Variants in INPP4B observed in about 807,000 individuals in gnomAD.
The protein encoded by INPP4B is inositol polyphosphate 4-phosphatase type II.
In INPP4B, 55 loss-of-function variants were observed where a neutral mutation model predicts 122.5. That is an observed-to-expected ratio of 0.45 (90% CI 0.36 to 0.56). The LOEUF (loss-of-function observed/expected upper bound fraction) is 0.56. Among genes scored for constraint, INPP4B ranks in the 20% least tolerant of loss-of-function variants. The pLI is 0.00. For synonymous variants in INPP4B, 403 were observed against 388.7 expected, an observed-to-expected ratio of 1.04 and a Z score of -0.43; for missense variants, 1,000 against 1,097.7, an observed-to-expected ratio of 0.91 and a Z score of 1.26.
At chr4:142,845,728 C>CTGG (rs549460635) in intron 1 of INPP4B, among the ~76,000 whole-genome samples, 1 of 151,330 alleles carries the variant, frequency 6.6e-6, no homozygotes, top group African/African-American at 2.4e-5. Context: ...TCTTCCCAGG[C>CTGG]CGGCGGCGGC....
chr4:142,082,339 G>A (rs1332686873), intron 24 of INPP4B, among the ~76,000 whole-genome samples, 154 bp from the exon 25 acceptor site: 1 of 152,136 alleles, frequency 6.6e-6, no homozygotes, highest in Admixed American at 6.6e-5. Context: ...CTCATCAAAT[G>A]TAAAAGCATT....
chr4:142,410,301 G>A (rs1804330603), intron 5 of INPP4B, among the ~76,000 whole-genome samples: 1 of 152,220 alleles, frequency 6.6e-6, no homozygotes, highest in Non-Finnish European at 1.5e-5. Flanking sequence ...GTGAACCACT[G>A]AGGCACTGTG....
At chr4:142,778,048 TGAGGCCA>T (rs1774208480) in intron 1 of INPP4B, among the ~76,000 whole-genome samples, 1 of 152,172 alleles carries the variant, frequency 6.6e-6, no homozygotes, top group Admixed American at 6.5e-5. Context: ...CTCAAAATCA[TGAGGCCA>T]GATTTTACTA....
chr4:142,812,451 T>C (rs1483759730), intron 1 of INPP4B, among the ~76,000 whole-genome samples: 1 of 152,188 alleles, frequency 6.6e-6, no homozygotes, highest in Admixed American at 6.6e-5. Flanking sequence ...GAAAATAGTA[T>C]TGTGCATTTT....
intron 7 of INPP4B, among the ~76,000 whole-genome samples, chr4:142,395,402 G>A (rs539464678): frequency 6.6e-6 from 1 of 152,194 alleles, no homozygotes; most frequent in African/African-American, 2.4e-5. Flanking sequence ...GAAGTCAAGC[G>A]AACTATAAAA....
chr4:142,480,906 T>C (rs1820429218), intron 2 of INPP4B, among the ~76,000 whole-genome samples: 1 of 152,036 alleles, frequency 6.6e-6, no homozygotes, highest in African/African-American at 2.4e-5. Context: ...AAGGGTGTTA[T>C]TTTTATAGTC....
chr4:142,225,927 C>A (rs150577462), intron 12 of INPP4B, among the ~76,000 whole-genome samples: 2 of 152,130 alleles, frequency 1.3e-5, no homozygotes, highest in African/African-American at 4.8e-5. Context: ...AGTCTCTCAT[C>A]TGAACATATA....
chr4:142,771,204 TG>T (rs2150999827), intron 1 of INPP4B, among the ~76,000 whole-genome samples: 1 of 152,184 alleles, frequency 6.6e-6, no homozygotes, highest in South Asian at 2.1e-4. Flanking sequence ...GGACAGAAAG[TG>T]GGTAAATGTC....
chr4:142,417,728 G>C (rs17016101), intron 5 of INPP4B, among the ~76,000 whole-genome samples: 3,648 of 152,096 alleles, frequency 0.024, 139 homozygotes, highest in African/African-American at 0.084. Flanking sequence ...GTCTGATTGA[G>C]TTTGCAAAAC....
At chr4:142,258,003 A>G (rs1018876629) in intron 11 of INPP4B, among the ~76,000 whole-genome samples, 1 of 152,156 alleles carries the variant, frequency 6.6e-6, no homozygotes, top group African/African-American at 2.4e-5. Context: ...ACCAAAACAG[A>G]GATATAGATC....
At chr4:142,625,273 C>T (rs1417807411) in intron 2 of INPP4B, among the ~76,000 whole-genome samples, 2 of 152,030 alleles carry the variant, frequency 1.3e-5, no homozygotes, top group African/African-American at 2.4e-5. Context: ...TGATAAGCAA[C>T]TTCAGCAAAG....
At chr4:142,819,221 A>G (rs1431604200) in intron 1 of INPP4B, among the ~76,000 whole-genome samples, 1 of 152,192 alleles carries the variant, frequency 6.6e-6, no homozygotes, top group Non-Finnish European at 1.5e-5. Flanking sequence ...GCTTGAGTAA[A>G]CAATTTCCCT....
At chr4:142,596,980 T>C (rs1230932084) in intron 2 of INPP4B, among the ~76,000 whole-genome samples, 1 of 152,204 alleles carries the variant, frequency 6.6e-6, no homozygotes, top group Non-Finnish European at 1.5e-5. Flanking sequence ...CATCTTTTCC[T>C]GCCTAGGCTC....
At chr4:142,641,007 CTGTT>C (rs1268641695) in intron 2 of INPP4B, among the ~76,000 whole-genome samples, 3 of 152,228 alleles carry the variant, frequency 2.0e-5, no homozygotes, top group African/African-American at 4.8e-5. Context: ...TTTTGGAAAA[CTGTT>C]TGGCAATATC....
At chr4:142,327,383 C>A (rs993838707) in intron 7 of INPP4B, among the ~76,000 whole-genome samples, 1 of 151,920 alleles carries the variant, frequency 6.6e-6, no homozygotes, top group African/African-American at 2.4e-5. Context: ...ATCACCAAAC[C>A]CCCCATACAA....
chr4:142,521,334 AT>A (rs1332006906), intron 2 of INPP4B, among the ~76,000 whole-genome samples: 5 of 152,028 alleles, frequency 3.3e-5, no homozygotes, highest in Admixed American at 6.6e-5. Flanking sequence ...GGCAATTCAT[AT>A]TTCCATTAGC....
At chr4:142,810,688 C>T (rs1220484245) in intron 1 of INPP4B, among the ~76,000 whole-genome samples, 1 of 152,192 alleles carries the variant, frequency 6.6e-6, no homozygotes, top group Non-Finnish European at 1.5e-5. Flanking sequence ...CCTCAATATA[C>T]AGTTGACTAA....
intron 18 of INPP4B, among the ~76,000 whole-genome samples, chr4:142,139,682 G>A (rs1247038246): frequency 6.6e-6 from 1 of 152,144 alleles, no homozygotes; most frequent in African/African-American, 2.4e-5. Context: ...GGAAAGAGGA[G>A]CAATTCACTA....
intron 2 of INPP4B, among the ~76,000 whole-genome samples, chr4:142,667,826 AG>A (rs1756383583): frequency 6.6e-6 from 1 of 152,208 alleles, no homozygotes; most frequent in African/African-American, 2.4e-5. Context: ...TCTGAAACTA[AG>A]TGCTATGATG....
Sources: allele counts gnomAD v4.1 joint callset (sites outside exome capture counted in the v4.1 genomes callset), GRCh38; gene constraint gnomAD v4.1.1; transcripts MANE v1.5; gene names NCBI Gene and HGNC (gene_info 2026-07-23, HGNC 2026-07-21).